The following CD5 variants were observed in gnomAD, a reference collection of about 807,000 sequenced individuals.
CD5 encodes the protein CD5 molecule.
A neutral mutation model predicts 60.3 loss-of-function variants in CD5; 36 were observed. That is an observed-to-expected ratio of 0.60 (90% CI 0.46 to 0.79). The LOEUF (loss-of-function observed/expected upper bound fraction) is 0.79. Ranked by LOEUF, CD5 falls within the 30% of genes least tolerant of loss-of-function variation. The pLI is 0.00. For synonymous variants in CD5, 230 were observed against 257.6 expected, an observed-to-expected ratio of 0.89 and a Z score of 1.03; for missense variants, 540 against 630.6, an observed-to-expected ratio of 0.86 and a Z score of 1.54.
intron 1 of CD5, among the ~76,000 whole-genome samples, chr11:61,113,221 C>T (rs935783817): frequency 3.3e-5 from 5 of 152,214 alleles, no homozygotes; most frequent in African/African-American, 4.8e-5. Context: ...ATCAAAATAC[C>T]GTACTTGCAC....
At chr11:61,113,227 T>C (rs1860884429) in intron 1 of CD5, among the ~76,000 whole-genome samples, 1 of 152,250 alleles carries the variant, frequency 6.6e-6, no homozygotes, top group Admixed American at 6.5e-5. Context: ...ATACCGTACT[T>C]GCACCTAACT....
rs1474522849 is a variant in CD5 at position 61,119,511 on chromosome 11, G to A, written c.741G>A (p.Leu247=). 1.9e-6 allele frequency: 3 copies of A among 1,613,922 alleles called. No homozygotes were observed. The highest frequency in any genetic ancestry group is 1.7e-5 in the Admixed American group (1 of 59,998). The part of the protein sequence containing the change: ...WKIQNSSCTS[L]EHCFRKIKPQ... ...TCCAGAACTCAAGCTGTACCTCCCT[G>A]GAGCATTGCTTCAGGAAAATCAAGC... is the stretch of plus-strand genomic sequence containing the variant. The change falls in exon 5 of 11, where the codon CTG becomes CTA. Residue 247 remains leucine (L), a synonymous_variant. Coordinates refer to ENST00000347785, the MANE Select transcript of CD5 (RefSeq NM_014207.4).
intron 1 of CD5, among the ~76,000 whole-genome samples, chr11:61,111,516 C>T (rs574262032): frequency 1.3e-5 from 2 of 152,286 alleles, no homozygotes; most frequent in African/African-American, 4.8e-5. Flanking sequence ...TATGATGACT[C>T]GGGAAATAGA....
At position 61,112,505 on chromosome 11, in the gene CD5, G is replaced by A. The variant is rs778896794; in HGVS notation, c.56-2551G>A. Among the ~76,000 whole-genome samples the A allele has an allele frequency of 3.6e-4, 55 of 152,288 alleles. 1 individual carries two copies. The highest frequency in any genetic ancestry group is 6.8e-3 in the Middle Eastern group (2 of 294). On this transcript the variant is annotated intron_variant, in intron 1 of 10. Coordinates refer to ENST00000347785, the MANE Select transcript of CD5 (RefSeq NM_014207.4). Reference sequence around the variant, plus strand: ...CTAAAAGTACAAAAATTAGTCGGGCGTGGTGGTGCATGTCTGTAGTCCCAG... The same window carrying A: ...CTAAAAGTACAAAAATTAGTCGGGCATGGTGGTGCATGTCTGTAGTCCCAG...
chr11:61,120,029 G>T (rs1435720239), intron 5 of CD5, among the ~76,000 whole-genome samples: 3 of 152,156 alleles, frequency 2.0e-5, no homozygotes, highest in African/African-American at 7.2e-5. Flanking sequence ...GGTCCCTGAG[G>T]CCCGGGAGTC....
At chr11:61,101,251 T>C (rs1349766057), upstream of CD5, among the ~76,000 whole-genome samples, 2 of 72,830 alleles carry the variant, frequency 2.7e-5, no homozygotes, top group Non-Finnish European at 2.5e-5. Context: ...TTCACACACA[T>C]CAACATGGAG....
intron 7 of CD5, among the ~76,000 whole-genome samples, 194 bp from the exon 8 acceptor site, chr11:61,123,690 G>A (rs528099256): frequency 6.6e-6 from 1 of 152,168 alleles, no homozygotes; most frequent in South Asian, 2.1e-4. Context: ...CAGGATGGCT[G>A]CAATTCCCTT....
chr11:61,120,076 C>G lies in CD5; in HGVS notation c.805+501C>G, dbSNP rs372383117. On this transcript the variant is annotated intron_variant, in intron 5 of 10. Coordinates refer to ENST00000347785, the MANE Select transcript of CD5 (RefSeq NM_014207.4). ...GGCAAAGAGAGAAACAGAGACAGCCCCCAAGAGGGCTCTGCAGAGGGTCCT... is the reference window on the plus strand; with the variant it reads ...GGCAAAGAGAGAAACAGAGACAGCCGCCAAGAGGGCTCTGCAGAGGGTCCT... Among the ~76,000 whole-genome samples, 9 of 152,044 alleles carry G rather than the reference C, an allele frequency of 5.9e-5. No homozygotes were observed. In the South Asian group the frequency reaches 8.3e-4, roughly 14 times the overall value.
At chr11:61,111,974 A>C (rs1590768877) in intron 1 of CD5, among the ~76,000 whole-genome samples, 1 of 152,226 alleles carries the variant, frequency 6.6e-6, no homozygotes, top group South Asian at 2.1e-4. Context: ...TTGGAGGCAC[A>C]GAGACAGGAC....
At position 61,107,855 on chromosome 11, in the gene CD5, G is replaced by A. The variant is rs548515996; in HGVS notation, c.55+5240G>A. ...GTGGCAGTCTGCAGAGACGACAAGGGTCCCATGCACTGCCACAGATTCCCA... is the reference window on the plus strand; with the variant it reads ...GTGGCAGTCTGCAGAGACGACAAGGATCCCATGCACTGCCACAGATTCCCA... On this transcript the variant is annotated intron_variant, in intron 1 of 10. Transcript: ENST00000347785. 3.3e-5 allele frequency among the ~76,000 whole-genome samples: 5 copies of A among 152,242 alleles called. No homozygotes were observed. The South Asian group carries it at 8.3e-4, about 25-fold the overall frequency.
chr11:61,115,074 G>C lies in CD5; in HGVS notation c.74G>C (p.Arg25Pro). Residue 25 changes from arginine to proline, a missense_variant, in exon 2 of 11, where the codon CGG becomes CCG. Arg to Pro is a moderately radical substitution (Grantham distance 103). Transcript: ENST00000347785. ...TCTGCAGTCGCTTCCTGCCTCGGACGGCTCAGCTGGTATGACCCAGGTAAG... is the reference window on the plus strand; with the variant it reads ...TCTGCAGTCGCTTCCTGCCTCGGACCGCTCAGCTGGTATGACCCAGGTAAG... ...LGMLVASCLG[R>P]LSWYDPDFQA... The C allele has an allele frequency of 6.4e-7, 1 of 1,558,670 alleles. No individual in the cohort carries two copies. The highest frequency in any genetic ancestry group is 8.7e-7 in the Non-Finnish European group (1 of 1,150,544).
At chr11:61,100,146 TCA>T (rs1215809853), upstream of CD5, among the ~76,000 whole-genome samples, 7 of 110,772 alleles carry the variant, frequency 6.3e-5, no homozygotes, top group African/African-American at 1.1e-4. Context: ...AACATGGAGA[TCA>T]CACACACACA....
rs746678700 is a variant in CD5, at chr11:61,118,603, T to A, written c.400+123T>A. The A allele has an allele frequency of 8.9e-5, 85 of 957,282 alleles. No individual in the cohort carries two copies. The highest frequency in any genetic ancestry group is 1.3e-4 in the Non-Finnish European group (82 of 641,540). The allele number at this position is 957,282 out of a possible 1,614,324, so 59.3% of individuals were successfully genotyped here. On this transcript the variant is annotated intron_variant, in intron 3 of 10. Transcript: ENST00000347785. This position sits in a 1 kb window ranked among gnomAD's most constrained non-coding sequence, Gnocchi z 4.7. ...GAAGGGGTGGGGGGACCCCAGTTTA[T>A]AACCACTCCCCAAGACACATACCCA...
intron 1 of CD5, among the ~76,000 whole-genome samples, chr11:61,112,306 C>CATCT (rs139071161): frequency 0.032 from 4,919 of 152,238 alleles, 137 homozygotes; most frequent in East Asian, 0.13. Flanking sequence ...GCTAGCTGGA[C>CATCT]ATCTCCCTGA....
At position 61,119,575 on chromosome 11, in the gene CD5, GGTAA is replaced by G. The variant is rs1257270093; in HGVS notation, c.805+3_805+6del. 6 of 1,603,196 alleles carry G rather than the reference GGTAA, an allele frequency of 3.7e-6. No individual in the cohort carries two copies. In the East Asian group the frequency reaches 8.9e-5, roughly 24 times the overall value. On this transcript the variant is annotated splice_donor_variant and splice_donor_region_variant and intron_variant, in intron 5 of 10. Transcript: ENST00000347785. LOFTEE classifies it high-confidence loss of function. Reference sequence around the variant, plus strand: ...CCGAGTTCTTGCCCTCCTTTGCTCAGGTAAGTGAGACCTGGCCAAGCCCCATGAC... The same window carrying G: ...CCGAGTTCTTGCCCTCCTTTGCTCAGGTGAGACCTGGCCAAGCCCCATGAC...
intron 2 of CD5, among the ~76,000 whole-genome samples, chr11:61,116,639 A>C (rs1182683297): frequency 7.2e-5 from 10 of 138,128 alleles, no homozygotes; most frequent in African/African-American, 2.4e-4. Flanking sequence ...CACACACACC[A>C]CACACACCCC....
chr11:61,122,312 G>GTGGATGGATGGATGGA, intron 6 of CD5, among the ~76,000 whole-genome samples: 1 of 50,600 alleles, frequency 2.0e-5, no homozygotes, highest in Non-Finnish European at 3.4e-5. Flanking sequence ...GGGTGGGTGG[G>GTGGATGGATGGATGGA]TGGATGGATG....
At chr11:61,102,772 C>G (rs577088450) in intron 1 of CD5, among the ~76,000 whole-genome samples, 157 bp downstream of exon 1, 1 of 152,324 alleles carries the variant, frequency 6.6e-6, no homozygotes, top group African/African-American at 2.4e-5. Context: ...CCTGCCCCCA[C>G]TAAGCCGCAG....
At chr11:61,108,493 C>T (rs1052454293) in intron 1 of CD5, among the ~76,000 whole-genome samples, 1 of 152,196 alleles carries the variant, frequency 6.6e-6, no homozygotes, top group Non-Finnish European at 1.5e-5. Context: ...CTGTGCTCAA[C>T]CCAAGAAAGG....
Sources: allele counts gnomAD v4.1 joint callset (sites outside exome capture counted in the v4.1 genomes callset), GRCh38; gene constraint gnomAD v4.1.1; non-coding constraint Gnocchi (gnomAD v3.1); transcripts MANE v1.5; gene names NCBI Gene and HGNC (gene_info 2026-07-23, HGNC 2026-07-21).